The following SUOX variants were observed in gnomAD, a reference collection of about 807,000 sequenced individuals.
SUOX encodes sulfite oxidase, mitochondrial.
A neutral mutation model predicts 41.9 loss-of-function variants in SUOX; 39 were observed. That is an observed-to-expected ratio of 0.93 (90% CI 0.72 to 1.21). SUOX has a LOEUF of 1.21. Among genes scored for constraint, SUOX ranks in the 50% most tolerant of loss-of-function variants. SUOX has a pLI of 0.00. For missense variants in SUOX, 633 were observed against 689.5 expected (o/e 0.92, Z 0.92); for synonymous variants, 220 against 268.4 (o/e 0.82, Z 1.76).
chr12:55,999,282 A>T (rs904550084), intron 2 of SUOX: 1 of 152,322 alleles, frequency 6.6e-6, no homozygotes, highest in African/African-American at 2.4e-5. Flanking sequence ...TCCAGAGTAG[A>T]TGGGACCACA....
In SUOX at chr12:56,004,422, G is replaced by C. The variant is rs901265557; in HGVS notation, c.1033G>C (p.Glu345Gln). ...GGCTCGGGCCATGGACCCTGAAGCTGAGGTCCTGCTGGCATATGAGATGAA... is the reference window on the plus strand; with the variant it reads ...GGCTCGGGCCATGGACCCTGAAGCTCAGGTCCTGCTGGCATATGAGATGAA... Reference protein sequence around the residue: ...PLARAMDPEAEVLLAYEMNGQ... With the variant: ...PLARAMDPEAQVLLAYEMNGQ... Residue 345 changes from glutamate (E) to glutamine (Q), a missense_variant, in exon 5 of 5, where the codon GAG becomes CAG. Coordinates refer to ENST00000266971, the MANE Select transcript of SUOX (RefSeq NM_001032386.2). The surrounding 1 kb of genome is among the most constrained non-coding windows in gnomAD (Gnocchi z 4.5). 8.1e-6 allele frequency: 13 copies of C among 1,613,952 alleles called. No individual in the cohort carries two copies. Among genetic ancestry groups the C allele is most frequent in the East Asian group, 6.7e-5 (3 of 44,886 alleles).
Position 56,004,691 on chromosome 12 carries a change from T to C in SUOX, c.1302T>C (p.Asp434=). Residue 434 remains aspartate, a synonymous_variant, in exon 5 of 5, where the codon GAT becomes GAC. Transcript: ENST00000266971. This position sits in a 1 kb window ranked among gnomAD's most constrained non-coding sequence, Gnocchi z 4.5. ...PVQSAITEPR[D]GETVESGEVT... ...AGTCGGCCATCACAGAGCCCCGGGA[T>C]GGAGAGACTGTAGAATCAGGGGAGG... 6.2e-7 allele frequency: 1 copy of C among 1,613,832 alleles called. No individual in the cohort carries two copies. The highest frequency in any genetic ancestry group is 8.5e-7 in the Non-Finnish European group (1 of 1,179,810).
chr12:56,001,820 C>T lies in SUOX; in HGVS notation c.-10-392C>T, dbSNP rs556049761. 39 of 721,066 alleles carry T rather than the reference C, an allele frequency of 5.4e-5. 1 individual carries two copies. The South Asian group carries it at 1.2e-3, about 22-fold the overall frequency. 44.7% of individuals were successfully genotyped at this position (721,066 alleles called of 1,614,324 possible). On this transcript the variant is annotated intron_variant, in intron 2 of 4. Transcript: ENST00000266971. ...TCCCTGTTTAAGTCAGTCTGACCCACAGTTGTCCTCTGCTGACTTCAGAAA... is the reference window on the plus strand; with the variant it reads ...TCCCTGTTTAAGTCAGTCTGACCCATAGTTGTCCTCTGCTGACTTCAGAAA...
At chr12:56,002,772 C>T (rs758504785) in intron 4 of SUOX, 52 bp downstream of exon 4, 60 of 1,606,768 alleles carry the variant, frequency 3.7e-5, no homozygotes, top group Non-Finnish European at 4.7e-5. Flanking sequence ...CAGTGGCTCA[C>T]GCCTGTTATC....
In SUOX at chr12:56,004,392, C is replaced by T. The variant is rs1169440623; in HGVS notation, c.1003C>T (p.Pro335Ser). The T allele has an allele frequency of 6.2e-7, 1 of 1,614,002 alleles. No homozygotes were observed. Among genetic ancestry groups the T allele is most frequent in the Non-Finnish European group, 8.5e-7 (1 of 1,179,892 alleles). Residue 335 changes from proline (P) to serine (S), a missense_variant, in exon 5 of 5, where the codon CCT becomes TCT. Transcript: ENST00000266971. This position sits in a 1 kb window ranked among gnomAD's most constrained non-coding sequence, Gnocchi z 4.5. ...TGGGACTGCCTATGGAGCATCCATC[C>T]CTCTGGCTCGGGCCATGGACCCTGA... ...PTGTAYGASI[P>S]LARAMDPEAE...
chr12:55,997,428 G>A (rs1394115191), intron 1 of SUOX, 89 bp downstream of exon 1: 1 of 152,304 alleles, frequency 6.6e-6, no homozygotes, highest in Admixed American at 6.5e-5. Flanking sequence ...GCTGTGCTCC[G>A]AACCTCAAGG....
At chr12:56,002,139 C>G in intron 2 of SUOX, 73 bp from the exon 3 acceptor site, 1 of 1,588,450 alleles carries the variant, frequency 6.3e-7, no homozygotes, top group Non-Finnish European at 8.6e-7. Context: ...TTCCTCTCAC[C>G]CATTCCCTTA....
intron 2 of SUOX, 96 bp from the exon 3 acceptor site, chr12:56,002,116 C>A: frequency 6.4e-7 from 1 of 1,557,100 alleles, no homozygotes; most frequent in African/African-American, 1.4e-5. Flanking sequence ...TCCTTGCTGA[C>A]CTTCTCTGTG....
At chr12:55,998,737 G>A (rs1044182706) in intron 2 of SUOX, among the ~76,000 whole-genome samples, 6 of 152,084 alleles carry the variant, frequency 3.9e-5, no homozygotes, top group African/African-American at 1.4e-4. Flanking sequence ...AAGGCAGGAG[G>A]ATGGCTTGAG....
chr12:56,000,191 G>T (rs577961524), intron 2 of SUOX, among the ~76,000 whole-genome samples: 18 of 152,348 alleles, frequency 1.2e-4, no homozygotes, highest in Admixed American at 1.1e-3. Context: ...GTGCCGTGGA[G>T]CAGGGGTCGG....
In SUOX at chr12:56,004,764, C is replaced by A; in HGVS notation, c.1375C>A (p.Arg459=). 1 of 1,613,958 alleles carries A rather than the reference C, an allele frequency of 6.2e-7. No homozygotes were observed. Among genetic ancestry groups the A allele is most frequent in the Non-Finnish European group, 8.5e-7 (1 of 1,179,936 alleles). ...AWSGGGRAVI[R]VDVSLDGGLT... is the part of the protein sequence containing the mutation. ...GAGTGGTGGTGGCAGGGCTGTGATC[C>A]GGGTGGATGTGTCTCTGGATGGGGG... Residue 459 remains arginine (R), a synonymous_variant, in exon 5 of 5, where the codon CGG becomes AGG. Coordinates refer to ENST00000266971, the MANE Select transcript of SUOX (RefSeq NM_001032386.2). The surrounding 1 kb of genome is among the most constrained non-coding windows in gnomAD (Gnocchi z 4.5).
chr12:56,000,306 G>A (rs540450026), intron 2 of SUOX, among the ~76,000 whole-genome samples: 8 of 152,364 alleles, frequency 5.3e-5, no homozygotes, highest in African/African-American at 7.2e-5. Flanking sequence ...GGCAGCTAAG[G>A]CCCGGCGAGA....
Position 56,004,965 on chromosome 12 carries a change from T to C in SUOX, c.1576T>C (p.Trp526Arg), listed in dbSNP as rs1890692022. 2.5e-6 allele frequency: 4 copies of C among 1,614,048 alleles called. No individual in the cohort carries two copies. Among genetic ancestry groups the C allele is most frequent in the Non-Finnish European group, 3.4e-6 (4 of 1,180,048 alleles). Reference protein sequence around the residue: ...NVQPDTVAPIWNLRGVLSNAW... With the variant: ...NVQPDTVAPIRNLRGVLSNAW... ...GCAGCCAGACACCGTGGCCCCAATCTGGAACCTGCGAGGTGTTCTCAGCAA... is the reference window on the plus strand; with the variant it reads ...GCAGCCAGACACCGTGGCCCCAATCCGGAACCTGCGAGGTGTTCTCAGCAA... Residue 526 changes from tryptophan to arginine, a missense_variant, in exon 5 of 5, where the codon TGG (tryptophan) becomes CGG (arginine). Coordinates refer to ENST00000266971, the MANE Select transcript of SUOX (RefSeq NM_001032386.2). This position sits in a 1 kb window ranked among gnomAD's most constrained non-coding sequence, Gnocchi z 4.5.
At position 56,002,241 on chromosome 12, in the gene SUOX, C is replaced by T. The variant is rs1424209231; in HGVS notation, c.20C>T (p.Ala7Val). 6.2e-7 allele frequency: 1 copy of T among 1,612,904 alleles called. No individual in the cohort carries two copies. The highest frequency in any genetic ancestry group is 8.5e-7 in the Non-Finnish European group (1 of 1,180,018). The change falls in exon 3 of 5, where the codon GCT becomes GTT. Residue 7 changes from alanine (A) to valine (V), a missense_variant. Coordinates refer to ENST00000266971, the MANE Select transcript of SUOX (RefSeq NM_001032386.2). The stretch of plus-strand genomic sequence containing the variant: ...GCTACAATGCTGCTGCTGCACAGAG[C>T]TGTGGTCCTCAGGCTCCAACAGGCC... MLLLHR[A>V]VVLRLQQACR...
chr12:55,998,420 G>A (rs931847754), intron 2 of SUOX, among the ~76,000 whole-genome samples: 5 of 149,948 alleles, frequency 3.3e-5, no homozygotes, highest in East Asian at 2.0e-4. Context: ...GGTGGCACAC[G>A]CCTGTGGTCC....
rs754082383 is a variant in SUOX at position 56,002,651 on chromosome 12, G to C, written c.159G>C (p.Gln53His). ...LTFSGDNSST[Q>H]GWRVMGTLLG... Reference sequence around the variant, plus strand: ...TCTCTGGTGATAACTCCAGCACCCAGGGATGGAGAGTCATGGGGACCCTAT... The same window carrying C: ...TCTCTGGTGATAACTCCAGCACCCACGGATGGAGAGTCATGGGGACCCTAT... Residue 53 changes from glutamine to histidine, a missense_variant, in exon 4 of 5, where the codon CAG becomes CAC. Physicochemically the swap from Gln to His is conservative, Grantham distance 24 (BLOSUM62 0). Coordinates refer to ENST00000266971, the MANE Select transcript of SUOX (RefSeq NM_001032386.2). 6.2e-7 allele frequency: 1 copy of C among 1,614,054 alleles called. No homozygotes were observed. Among genetic ancestry groups the C allele is most frequent in the South Asian group, 1.1e-5 (1 of 91,066 alleles).
Position 56,001,583 on chromosome 12 carries a change from T to G in SUOX, c.-10-629T>G, listed in dbSNP as rs550067001. On this transcript the variant is annotated intron_variant, in intron 2 of 4. Coordinates refer to ENST00000266971, the MANE Select transcript of SUOX (RefSeq NM_001032386.2). ...TCCCCAGTGGATAAGGGGGTACTAC[T>G]GTACTTGTTGGCTCTTCATGTTAGC... 3.1e-5 allele frequency: 5 copies of G among 162,914 alleles called. No individual in the cohort carries two copies. In the South Asian group the frequency reaches 6.8e-4, roughly 22 times the overall value. 10.1% of individuals were successfully genotyped at this position (162,914 alleles called of 1,614,324 possible). A position where few individuals can be genotyped will look rare whatever the true frequency, so the allele number is the denominator to read the frequency against.
At position 56,002,635 on chromosome 12, in the gene SUOX, A is replaced by G. The variant is rs767965311; in HGVS notation, c.143A>G (p.Asp48Gly). Residue 48 changes from aspartate (D) to glycine (G), a missense_variant, in exon 4 of 5, where the codon GAT becomes GGT. Transcript: ENST00000266971. ...PQRPSLTFSG[D>G]NSSTQGWRVM... is the part of the protein sequence containing the mutation. ...CGCCCCAGCCTCACCTTCTCTGGTG[A>G]TAACTCCAGCACCCAGGGATGGAGA... is the stretch of plus-strand genomic sequence containing the variant. 3 of 1,613,934 alleles carry G rather than the reference A, an allele frequency of 1.9e-6. No homozygotes were observed. Among genetic ancestry groups the G allele is most frequent in the Non-Finnish European group, 2.5e-6 (3 of 1,179,986 alleles).
In SUOX at chr12:56,002,311, T is replaced by C. The variant is rs375718612; in HGVS notation, c.50+40T>C. On this transcript the variant is annotated intron_variant, in intron 3 of 4. Transcript: ENST00000266971. ...CCCAGGACTTGCCTCCTAGCCCCTA[T>C]CTGCCACCCTTAGTGTCTTTTACAA... 8.7e-6 allele frequency: 14 copies of C among 1,602,538 alleles called. No individual in the cohort carries two copies. The African/African-American group carries it at 1.9e-4, about 21-fold the overall frequency.
Sources: allele counts gnomAD v4.1 joint callset (sites outside exome capture counted in the v4.1 genomes callset), GRCh38; gene constraint gnomAD v4.1.1; non-coding constraint Gnocchi (gnomAD v3.1); transcripts MANE v1.5; gene names NCBI Gene and HGNC (gene_info 2026-07-23, HGNC 2026-07-21).